PRKAG2: variants seen among roughly 807,000 people sequenced by gnomAD.
PRKAG2 encodes the protein protein kinase AMP-activated non-catalytic subunit gamma 2, also known as 5'-AMP-activated protein kinase subunit gamma-2.
In PRKAG2, 26 loss-of-function variants were observed where a neutral mutation model predicts 69.6. That is an observed-to-expected ratio of 0.37 (90% CI 0.27 to 0.52). The LOEUF is 0.52. Ranked by LOEUF, PRKAG2 falls within the 20% of genes least tolerant of loss-of-function variation. The probability of loss-of-function intolerance (pLI) is 0.90; values close to 1 mark genes in which losing one functional copy is unlikely to be tolerated. For synonymous variants in PRKAG2, 293 were observed against 285.0 expected (o/e 1.03, Z -0.28); for missense variants, 557 against 740.0 (o/e 0.75, Z 2.87).
chr7:151,769,677 C>T (rs1445811368), intron 3 of PRKAG2, among the ~76,000 whole-genome samples: 2 of 152,212 alleles, frequency 1.3e-5, no homozygotes, highest in Non-Finnish European at 2.9e-5. Flanking sequence ...GCCTGTGGTG[C>T]CTGTGTGACA....
intron 14 of PRKAG2, among the ~76,000 whole-genome samples, 176 bp downstream of exon 14, chr7:151,563,902 T>A (rs114672043): frequency 1.0e-3 from 155 of 152,330 alleles, no homozygotes; most frequent in African/African-American, 3.6e-3. Context: ...CTTTTAGAGA[T>A]CGCCTATATG....
chr7:151,727,725 G>C (rs1317962643), intron 3 of PRKAG2, among the ~76,000 whole-genome samples: 2 of 152,144 alleles, frequency 1.3e-5, no homozygotes, highest in Non-Finnish European at 2.9e-5. Context: ...GAAGGAGGGA[G>C]GGAGGGAGGG....
chr7:151,562,803 TA>T (rs1157626664), intron 14 of PRKAG2, among the ~76,000 whole-genome samples: 8 of 128,476 alleles, frequency 6.2e-5, no homozygotes, highest in Middle Eastern at 8.1e-3. Flanking sequence ...CCGTCTCTAC[TA>T]AAAATACAAA....
At chr7:151,581,958 A>C (rs1025921791) in intron 6 of PRKAG2, among the ~76,000 whole-genome samples, 4 of 152,196 alleles carry the variant, frequency 2.6e-5, no homozygotes, top group African/African-American at 4.8e-5. Flanking sequence ...CCTAACACCA[A>C]TTCTTAAGGT....
chr7:151,683,995 C>T (rs745362007), intron 3 of PRKAG2, among the ~76,000 whole-genome samples: 2 of 152,186 alleles, frequency 1.3e-5, no homozygotes, highest in East Asian at 1.9e-4. Context: ...TCTCCCCGCA[C>T]GGCCCCTATT....
intron 3 of PRKAG2, among the ~76,000 whole-genome samples, chr7:151,742,628 A>G (rs1032260618): frequency 3.4e-5 from 5 of 148,848 alleles, no homozygotes; most frequent in Non-Finnish European, 6.0e-5. Flanking sequence ...CATCTCACAA[A>G]AAAAAAAAAA....
intron 3 of PRKAG2, among the ~76,000 whole-genome samples, chr7:151,776,102 G>A (rs1339475559): frequency 6.6e-6 from 1 of 152,168 alleles, no homozygotes; most frequent in Non-Finnish European, 1.5e-5. Context: ...ATAGGGCTCG[G>A]GGAGGGATGG....
At chr7:151,705,616 G>A (rs1164237510) in intron 3 of PRKAG2, among the ~76,000 whole-genome samples, 1 of 152,154 alleles carries the variant, frequency 6.6e-6, no homozygotes, top group African/African-American at 2.4e-5. Context: ...TTTTCCCAAA[G>A]GCCCATAAAG....
chr7:151,837,875 G>A (rs1163994045), intron 1 of PRKAG2, among the ~76,000 whole-genome samples: 1 of 152,150 alleles, frequency 6.6e-6, no homozygotes, highest in Admixed American at 6.5e-5. Context: ...ACCCACAGCA[G>A]CTTCTCCTCC....
intron 3 of PRKAG2, among the ~76,000 whole-genome samples, chr7:151,718,353 T>C (rs1246773422): frequency 6.6e-6 from 1 of 152,044 alleles, no homozygotes; most frequent in African/African-American, 2.4e-5. Context: ...TATGACTTTA[T>C]TTACCCTTAA....
chr7:151,816,650 C>G (rs953103390), intron 1 of PRKAG2, among the ~76,000 whole-genome samples: 4 of 152,238 alleles, frequency 2.6e-5, no homozygotes, highest in Non-Finnish European at 5.9e-5. Flanking sequence ...AAGCTGGCGC[C>G]ATTTGGCGAA....
At chr7:151,570,467 C>T (rs531966863) in intron 9 of PRKAG2, among the ~76,000 whole-genome samples, 11 of 152,164 alleles carry the variant, frequency 7.2e-5, no homozygotes, top group African/African-American at 2.4e-4. Flanking sequence ...AACAATGTGA[C>T]AGTAAGTGTT....
chr7:151,795,889 A>C lies in PRKAG2; in HGVS notation c.115-9348T>G, dbSNP rs1304525573. ...TATATATATATATATATATATATAT[A>C]TCACGATAATATGTATATGTAATCA... On this transcript the variant is annotated intron_variant, in intron 1 of 15. Transcript: ENST00000287878. Among the ~76,000 whole-genome samples the C allele has an allele frequency of 7.6e-5, 8 of 105,196 alleles. No individual in the cohort carries two copies. In the East Asian group the frequency reaches 1.1e-3, roughly 15 times the overall value. 69.0% of individuals were successfully genotyped at this position (105,196 alleles called of 152,430 possible).
chr7:151,625,553 T>C (rs1277211878), intron 5 of PRKAG2, among the ~76,000 whole-genome samples: 2 of 152,032 alleles, frequency 1.3e-5, no homozygotes, highest in African/African-American at 2.4e-5. Context: ...GGCAAATTAA[T>C]TGGAGGGGGC....
intron 5 of PRKAG2, chr7:151,631,654 G>A: frequency 2.2e-6 from 1 of 456,722 alleles, no homozygotes; most frequent in Non-Finnish European, 4.4e-6. Context: ...TATCTTCACA[G>A]GCGCAGATAA....
At chr7:151,739,887 G>A (rs937991382) in intron 3 of PRKAG2, among the ~76,000 whole-genome samples, 8 of 152,152 alleles carry the variant, frequency 5.3e-5, no homozygotes, top group African/African-American at 1.4e-4. Flanking sequence ...TCCAGAGACC[G>A]TGCCTTCCCC....
chr7:151,780,770 G>C lies in PRKAG2; in HGVS notation c.466+382C>G, dbSNP rs1464297265. Among the ~76,000 whole-genome samples, 1 of 152,182 alleles carries C rather than the reference G, an allele frequency of 6.6e-6. No homozygotes were observed. Among genetic ancestry groups the C allele is most frequent in the Non-Finnish European group, 1.5e-5 (1 of 68,038 alleles). On this transcript the variant is annotated intron_variant, in intron 3 of 15. Transcript: ENST00000287878. The surrounding 1 kb of genome is among the most constrained non-coding windows in gnomAD (Gnocchi z 4.2). ...ATATCAGGCTGACCAAAGCAGTATG[G>C]TCCCGTGGCCCCGGGTGAGGGCCTA...
chr7:151,647,993 G>A (rs1180821817), intron 4 of PRKAG2, among the ~76,000 whole-genome samples: 2 of 152,116 alleles, frequency 1.3e-5, no homozygotes, highest in Non-Finnish European at 2.9e-5. Flanking sequence ...GGATTGAATG[G>A]GCCTGTGTGA....
intron 3 of PRKAG2, among the ~76,000 whole-genome samples, chr7:151,697,372 C>G (rs935679197): frequency 2.6e-5 from 4 of 152,046 alleles, no homozygotes; most frequent in African/African-American, 9.7e-5. Context: ...ACCATCATTC[C>G]CCAGGGGTGT....
Sources: allele counts gnomAD v4.1 joint callset (sites outside exome capture counted in the v4.1 genomes callset), GRCh38; gene constraint gnomAD v4.1.1; non-coding constraint Gnocchi (gnomAD v3.1); transcripts MANE v1.5; gene names NCBI Gene and HGNC (gene_info 2026-07-23, HGNC 2026-07-21).